Variants in SLC16A10 observed in about 807,000 individuals in gnomAD.
The protein encoded by SLC16A10 is solute carrier family 16 member 10, also known as monocarboxylate transporter 10.
In SLC16A10, 27 loss-of-function variants were observed where a neutral mutation model predicts 40.0. That is an observed-to-expected ratio of 0.67 (90% CI 0.50 to 0.93). The LOEUF is 0.93. SLC16A10 is among the 40% of genes least tolerant of loss of function. SLC16A10 has a pLI of 0.00. For missense variants in SLC16A10, 529 were observed against 658.2 expected, an observed-to-expected ratio of 0.80 and a Z score of 2.15; for synonymous variants, 213 against 249.8, an observed-to-expected ratio of 0.85 and a Z score of 1.39.
intron 1 of SLC16A10, among the ~76,000 whole-genome samples, chr6:111,125,338 A>G (rs767335417): frequency 8.5e-5 from 13 of 152,170 alleles, no homozygotes; most frequent in Non-Finnish European, 8.8e-5. Flanking sequence ...AGAAACAATA[A>G]TATGTTTTGA....
At chr6:111,179,398 C>A (rs1442992758) in intron 3 of SLC16A10, among the ~76,000 whole-genome samples, 1 of 152,142 alleles carries the variant, frequency 6.6e-6, no homozygotes, top group African/African-American at 2.4e-5. Context: ...AAGTGATTTT[C>A]CAAGAATTAC....
intron 1 of SLC16A10, among the ~76,000 whole-genome samples, chr6:111,120,510 G>A (rs562178232): frequency 2.4e-4 from 37 of 152,248 alleles, no homozygotes; most frequent in Admixed American, 9.8e-4. Context: ...CAGACATAAT[G>A]ACTTTTATTT....
chr6:111,222,374 A>G lies in SLC16A10; in HGVS notation c.*139A>G. The G allele has an allele frequency of 8.8e-7, 1 of 1,137,820 alleles. No homozygotes were observed. Among genetic ancestry groups the G allele is most frequent in the South Asian group, 1.9e-5 (1 of 53,650 alleles). The allele number at this position is 1,137,820 out of a possible 1,614,324, so 70.5% of individuals were successfully genotyped here. On this transcript the variant is annotated 3_prime_UTR_variant, in exon 6 of 6. Transcript: ENST00000368851. Reference sequence around the variant, plus strand: ...ACAATAATTGGGAAATAGAACCCTTATCACTAGAAGAACCATTTTCTGCCA... The same window carrying G: ...ACAATAATTGGGAAATAGAACCCTTGTCACTAGAAGAACCATTTTCTGCCA...
chr6:111,210,976 T>C (rs943731049), intron 4 of SLC16A10, among the ~76,000 whole-genome samples: 2 of 149,092 alleles, frequency 1.3e-5, no homozygotes, highest in Non-Finnish European at 3.0e-5. Flanking sequence ...TGAGCCGAGA[T>C]CGCACTACTG....
chr6:111,179,135 A>G (rs1470905405), intron 3 of SLC16A10, among the ~76,000 whole-genome samples: 2 of 151,622 alleles, frequency 1.3e-5, no homozygotes, highest in South Asian at 2.1e-4. Context: ...CTTTAAAAAA[A>G]AATTCTCTTT....
In SLC16A10 at chr6:111,091,467, A is replaced by G. The variant is rs1770973669; in HGVS notation, c.343+3372A>G. 4.6e-5 allele frequency: 7 copies of G among 152,352 alleles called. No individual in the cohort carries two copies. In the South Asian group the frequency reaches 1.4e-3, roughly 32 times the overall value. The allele number at this position is 152,352 out of a possible 1,614,324, so 9.4% of individuals were successfully genotyped here. ...TCTACCATGCATTCTGGGATTAGAA[A>G]GAAGGGTCCCTGTTTCTTGGTCCTA... On this transcript the variant is annotated intron_variant, in intron 1 of 5. Transcript: ENST00000368851.
intron 1 of SLC16A10, among the ~76,000 whole-genome samples, chr6:111,171,595 C>G (rs576972110): frequency 6.6e-6 from 1 of 151,914 alleles, no homozygotes; most frequent in Non-Finnish European, 1.5e-5. Flanking sequence ...GGTGGGTGAT[C>G]GCTTGAACCT....
intron 4 of SLC16A10, among the ~76,000 whole-genome samples, chr6:111,216,566 C>G (rs7743092): frequency 1.1e-5 from 1 of 94,384 alleles, no homozygotes; most frequent in Non-Finnish European, 2.0e-5. Context: ...CCACGCCCGG[C>G]TAACTTTTTT....
intron 3 of SLC16A10, among the ~76,000 whole-genome samples, chr6:111,186,351 A>T (rs887905283): frequency 1.3e-5 from 2 of 152,216 alleles, no homozygotes; most frequent in African/African-American, 4.8e-5. Flanking sequence ...AAGTTTGTTC[A>T]AGTTTGAGGA....
At position 111,222,366 on chromosome 6, in the gene SLC16A10, G is replaced by C; in HGVS notation, c.*131G>C. ...GGAATAGCACAATAATTGGGAAATA[G>C]AACCCTTATCACTAGAAGAACCATT... On this transcript the variant is annotated 3_prime_UTR_variant, in exon 6 of 6. Coordinates refer to ENST00000368851, the MANE Select transcript of SLC16A10 (RefSeq NM_018593.5). 3.3e-6 allele frequency: 4 copies of C among 1,223,752 alleles called. No individual in the cohort carries two copies. The highest frequency in any genetic ancestry group is 4.3e-6 in the Non-Finnish European group (4 of 924,900). 75.8% of individuals were successfully genotyped at this position (1,223,752 alleles called of 1,614,324 possible).
At chr6:111,134,277 T>C (rs1771838063) in intron 1 of SLC16A10, among the ~76,000 whole-genome samples, 1 of 152,188 alleles carries the variant, frequency 6.6e-6, no homozygotes, top group South Asian at 2.1e-4. Flanking sequence ...AATTATTCAA[T>C]GATGTCCACT....
intron 1 of SLC16A10, among the ~76,000 whole-genome samples, chr6:111,168,412 C>G (rs1772518605): frequency 6.6e-6 from 1 of 152,200 alleles, no homozygotes; most frequent in African/African-American, 2.4e-5. Context: ...ATGAAATAGT[C>G]TTCTGAGCAC....
At chr6:111,095,995 T>C (rs188067998) in intron 1 of SLC16A10, among the ~76,000 whole-genome samples, 1 of 152,342 alleles carries the variant, frequency 6.6e-6, no homozygotes, top group Admixed American at 6.5e-5. Flanking sequence ...GGTATGTCAT[T>C]ACCTCCATGG....
rs1771020258 is a variant in SLC16A10 at position 111,227,309 on chromosome 6, C to G, written c.*5074C>G. On this transcript the variant is annotated 3_prime_UTR_variant, in exon 6 of 6. Transcript: ENST00000368851. ...CCACGACCTGTTTATTATTAGTTGG[C>G]AGAGATTAATGCTTTGTGTTATAAA... 6.6e-6 allele frequency: 1 copy of G among 152,128 alleles called. No individual in the cohort carries two copies. Among genetic ancestry groups the G allele is most frequent in the African/African-American group, 2.4e-5 (1 of 41,434 alleles). 9.4% of individuals were successfully genotyped at this position (152,128 alleles called of 1,614,324 possible). A position where few individuals can be genotyped will look rare whatever the true frequency, so the allele number is the denominator to read the frequency against.
chr6:111,215,125 AT>A (rs1773400150), intron 4 of SLC16A10, among the ~76,000 whole-genome samples: 1 of 152,134 alleles, frequency 6.6e-6, no homozygotes, highest in South Asian at 2.1e-4. Flanking sequence ...TCTCAAAAAA[AT>A]AAAAAAAATA....
intron 1 of SLC16A10, among the ~76,000 whole-genome samples, chr6:111,162,189 G>T (rs773234370): frequency 1.9e-4 from 29 of 152,230 alleles, no homozygotes; most frequent in Non-Finnish European, 3.7e-4. Context: ...TCTTATATTT[G>T]GCCTGGTTAT....
At chr6:111,176,396 T>G (rs1772684714) in intron 2 of SLC16A10, among the ~76,000 whole-genome samples, 1 of 152,248 alleles carries the variant, frequency 6.6e-6, no homozygotes, top group Non-Finnish European at 1.5e-5. Context: ...CTTACCATAA[T>G]TGTTTCAAAG....
At chr6:111,131,486 C>T (rs547507944) in intron 1 of SLC16A10, among the ~76,000 whole-genome samples, 15 of 152,294 alleles carry the variant, frequency 9.8e-5, no homozygotes, top group African/African-American at 3.6e-4. Context: ...ACATTTTGGC[C>T]ACCATGAAGG....
At chr6:111,173,910 A>G (rs550939162) in intron 2 of SLC16A10, among the ~76,000 whole-genome samples, 2 of 152,318 alleles carry the variant, frequency 1.3e-5, no homozygotes, top group African/African-American at 2.4e-5. Flanking sequence ...GGCACCATCC[A>G]TGGAAAAATT....
Sources: allele counts gnomAD v4.1 joint callset (sites outside exome capture counted in the v4.1 genomes callset), GRCh38; gene constraint gnomAD v4.1.1; transcripts MANE v1.5; gene names NCBI Gene and HGNC (gene_info 2026-07-23, HGNC 2026-07-21).